PDE6B: variants seen among roughly 807,000 people sequenced by gnomAD.
PDE6B encodes the protein rod cGMP-specific 3',5'-cyclic phosphodiesterase subunit beta.
Under a neutral mutation model 109.0 loss-of-function variants are expected in PDE6B, and 106 were observed. The ratio of observed to expected loss-of-function variants is 0.97; its 90% CI spans 0.83 to 1.14. The LOEUF (loss-of-function observed/expected upper bound fraction) is 1.14. Among genes scored for constraint, PDE6B ranks in the 50% most tolerant of loss-of-function variants. The pLI, the probability that PDE6B is intolerant of heterozygous loss-of-function variation, is 0.00. For missense variants in PDE6B, 1,193 were observed against 1,155.6 expected (o/e 1.03, Z -0.47); for synonymous variants, 490 against 471.3 (o/e 1.04, Z -0.51).
chr4:662,308 C>T lies in PDE6B; in HGVS notation c.1722+67C>T, dbSNP rs1286934778. 2.1e-6 allele frequency: 2 copies of T among 969,496 alleles called. No individual in the cohort carries two copies. Among genetic ancestry groups the T allele is most frequent in the African/African-American group, 1.6e-5 (1 of 61,962 alleles). The allele number at this position is 969,496 out of a possible 1,614,324, so 60.1% of individuals were successfully genotyped here. ...TGGTACCAAGGGCAGCACTCAAGCACCCCGAGGGATGAGATGGGGGTCCTC... is the reference window on the plus strand; with the variant it reads ...TGGTACCAAGGGCAGCACTCAAGCATCCCGAGGGATGAGATGGGGGTCCTC... On this transcript the variant is annotated intron_variant, in intron 13 of 21. Coordinates refer to ENST00000496514, the MANE Select transcript of PDE6B (RefSeq NM_000283.4). The surrounding 1 kb of genome is among the most constrained non-coding windows in gnomAD (Gnocchi z 4.3).
intron 8 of PDE6B, 123 bp from the exon 9 acceptor site, chr4:656,751 C>G: frequency 1.2e-6 from 1 of 824,364 alleles, no homozygotes; most frequent in Non-Finnish European, 2.0e-6. Flanking sequence ...AGAGCAGAGA[C>G]AGGAACACGA....
chr4:659,482 T>C (rs1736766702), intron 11 of PDE6B, among the ~76,000 whole-genome samples: 2 of 151,314 alleles, frequency 1.3e-5, no homozygotes, highest in Non-Finnish European at 2.9e-5. Flanking sequence ...TGTGGGTGTC[T>C]GTGTGTGCAC....
In PDE6B at chr4:648,204, C is replaced by T. The variant is rs1735304691; in HGVS notation, c.712-5648C>T. On this transcript the variant is annotated intron_variant, in intron 3 of 21. Transcript: ENST00000496514. This position sits in a 1 kb window ranked among gnomAD's most constrained non-coding sequence, Gnocchi z 4.5. The stretch of plus-strand genomic sequence containing the variant: ...AGGAAACTCCTTGTTTCCAGCCTCT[C>T]AGTCTGCAGGCATGTGGAGACCAGC... 6.6e-6 allele frequency among the ~76,000 whole-genome samples: 1 copy of T among 152,058 alleles called. No homozygotes were observed. The highest frequency in any genetic ancestry group is 2.4e-5 in the African/African-American group (1 of 41,320).
chr4:659,669 TGTGTGTGC>T (rs1250107984), intron 11 of PDE6B, among the ~76,000 whole-genome samples: 2 of 148,226 alleles, frequency 1.3e-5, no homozygotes, highest in East Asian at 2.0e-4. Context: ...CCCACGAGTA[TGTGTGTGC>T]ATGTGTGTGC....
rs150645828 is a variant in PDE6B, at chr4:652,528, G to A, written c.712-1324G>A. 63 of 979,844 alleles carry A rather than the reference G, an allele frequency of 6.4e-5. 1 individual carries two copies. The highest frequency in any genetic ancestry group is 7.0e-5 in the African/African-American group (4 of 57,126). The allele number at this position is 979,844 out of a possible 1,614,324, so 60.7% of individuals were successfully genotyped here. On this transcript the variant is annotated intron_variant, in intron 3 of 21. Transcript: ENST00000496514. ...GCGCTGTGTGGCGGCCACCACTGCCGTTAACCACAGTACACAGGGTGCTCG... is the reference window on the plus strand; with the variant it reads ...GCGCTGTGTGGCGGCCACCACTGCCATTAACCACAGTACACAGGGTGCTCG...
In PDE6B at chr4:663,374, G is replaced by A. The variant is rs1737357049; in HGVS notation, c.1920+187G>A. 6.6e-6 allele frequency among the ~76,000 whole-genome samples: 1 copy of A among 152,190 alleles called. No homozygotes were observed. The highest frequency in any genetic ancestry group is 1.5e-5 in the Non-Finnish European group (1 of 68,024). ...AGGGCAGGTGCATCGGAGGCCCTGG[G>A]AAAACGCTTGTGGGGAAGACAACTG... On this transcript the variant is annotated intron_variant, in intron 15 of 21. Transcript: ENST00000496514. The surrounding 1 kb of genome is among the most constrained non-coding windows in gnomAD (Gnocchi z 4.0).
chr4:632,412 G>A (rs1378770143), intron 1 of PDE6B, among the ~76,000 whole-genome samples: 1 of 150,628 alleles, frequency 6.6e-6, no homozygotes, highest in Non-Finnish European at 1.5e-5. Flanking sequence ...TGAGGGTTAT[G>A]AGGGTCACAT....
At position 670,130 on chromosome 4, in the gene PDE6B, A is replaced by G. The variant is rs370166139; in HGVS notation, c.*23A>G. 5.0e-6 allele frequency: 8 copies of G among 1,607,072 alleles called. No homozygotes were observed. The highest frequency in any genetic ancestry group is 1.7e-5 in the Admixed American group (1 of 59,984). On this transcript the variant is annotated 3_prime_UTR_variant, in exon 22 of 22. Coordinates refer to ENST00000496514, the MANE Select transcript of PDE6B (RefSeq NM_000283.4). ...TGAGCACTGGTCCCATGGGGACCCT[A>G]TGGCTCCCTCAATCTTCACCCACTA...
chr4:633,964 G>A lies in PDE6B; in HGVS notation c.469-713G>A, dbSNP rs141232278. 6.6e-5 allele frequency among the ~76,000 whole-genome samples: 10 copies of A among 152,120 alleles called. No individual in the cohort carries two copies. The East Asian group carries it at 1.7e-3, about 27-fold the overall frequency. On this transcript the variant is annotated intron_variant, in intron 1 of 21. Transcript: ENST00000496514. The surrounding 1 kb of genome is among the most constrained non-coding windows in gnomAD (Gnocchi z 4.5). ...GGAACCTAAGAGCCAAGAGAGGAGG[G>A]GCTGCTCTAAATCTGGTGGGAGTGA...
In PDE6B at chr4:670,594, T is replaced by A. The variant is rs1738406861; in HGVS notation, c.*487T>A. 5.2e-6 allele frequency: 1 copy of A among 192,150 alleles called. No individual in the cohort carries two copies. Among genetic ancestry groups the A allele is most frequent in the Admixed American group, 5.3e-5 (1 of 18,742 alleles). The allele number at this position is 192,150 out of a possible 1,614,324, so 11.9% of individuals were successfully genotyped here. A position where few individuals can be genotyped will look rare whatever the true frequency, so the allele number is the denominator to read the frequency against. On this transcript the variant is annotated 3_prime_UTR_variant, in exon 22 of 22. Transcript: ENST00000496514. ...AATAAACTGTAGCCTACATTACTCA[T>A]CCATTTTTGGATAGTTACCACTGGG...
In PDE6B at chr4:662,618, A is replaced by G; in HGVS notation, c.1832A>G (p.Lys611Arg). The stretch of plus-strand genomic sequence containing the variant: ...GGCACCAACAACCTGTACCAGATGA[A>G]GTAGGCACCTCAGGGCGGGCATGTG... ...HRGTNNLYQM[K>R]SQNPLAKLHG... Residue 611 changes from lysine to arginine, a missense_variant and splice_region_variant, in exon 14 of 22, where the codon AAG becomes AGG. Coordinates refer to ENST00000496514, the MANE Select transcript of PDE6B (RefSeq NM_000283.4). This position sits in a 1 kb window ranked among gnomAD's most constrained non-coding sequence, Gnocchi z 4.3. The G allele has an allele frequency of 6.3e-7, 1 of 1,577,176 alleles. No homozygotes were observed. Among genetic ancestry groups the G allele is most frequent in the Non-Finnish European group, 8.7e-7 (1 of 1,147,118 alleles).
In PDE6B at chr4:663,640, G is replaced by A. The variant is rs868589583; in HGVS notation, c.1921-130G>A. On this transcript the variant is annotated intron_variant, in intron 15 of 21. Coordinates refer to ENST00000496514, the MANE Select transcript of PDE6B (RefSeq NM_000283.4). This position sits in a 1 kb window ranked among gnomAD's most constrained non-coding sequence, Gnocchi z 4.0. ...GCCCTGAGCAGCAGGCGGATTAGGG[G>A]TCCCGCCCACCGAGGGCCCGAGGGC... is the stretch of plus-strand genomic sequence containing the variant. The A allele has an allele frequency of 1.4e-6, 1 of 722,432 alleles. No individual in the cohort carries two copies. The highest frequency in any genetic ancestry group is 2.7e-5 in the East Asian group (1 of 37,164). The allele number at this position is 722,432 out of a possible 1,614,324, so 44.8% of individuals were successfully genotyped here.
intron 1 of PDE6B, among the ~76,000 whole-genome samples, chr4:629,914 T>G (rs796557915): frequency 5.9e-5 from 9 of 152,110 alleles, no homozygotes; most frequent in African/African-American, 1.9e-4. Context: ...GCAGAGCAAA[T>G]GCAGGGGGTT....
In PDE6B at chr4:654,898, G is replaced by T; in HGVS notation, c.992+10G>T. 6.8e-7 allele frequency: 1 copy of T among 1,467,714 alleles called. No homozygotes were observed. Among genetic ancestry groups the T allele is most frequent in the Non-Finnish European group, 9.6e-7 (1 of 1,046,474 alleles). The allele number at this position is 1,467,714 out of a possible 1,614,324, so 90.9% of individuals were successfully genotyped here. A position where few individuals can be genotyped will look rare whatever the true frequency, so the allele number is the denominator to read the frequency against. The stretch of plus-strand genomic sequence containing the variant: ...AGATCAAGGTCATTCCGTAAGTGCA[G>T]GATTTTACCAGAAGCGTCCCCGGGG... On this transcript the variant is annotated intron_variant, in intron 6 of 21. Transcript: ENST00000496514.
intron 17 of PDE6B, 113 bp downstream of exon 17, chr4:664,334 G>A: frequency 4.1e-6 from 3 of 732,570 alleles, no homozygotes; most frequent in East Asian, 2.6e-5. Context: ...GGAAGAGCCC[G>A]TCGCGGCAGC....
At position 662,283 on chromosome 4, in the gene PDE6B, T is replaced by G; in HGVS notation, c.1722+42T>G. 1 of 1,168,878 alleles carries G rather than the reference T, an allele frequency of 8.6e-7. No homozygotes were observed. The allele number at this position is 1,168,878 out of a possible 1,614,324, so 72.4% of individuals were successfully genotyped here. A position where few individuals can be genotyped will look rare whatever the true frequency, so the allele number is the denominator to read the frequency against. On this transcript the variant is annotated intron_variant, in intron 13 of 21. Transcript: ENST00000496514. The surrounding 1 kb of genome is among the most constrained non-coding windows in gnomAD (Gnocchi z 4.3). ...ATCACCAGGGTTGTGCAGGCCCTCC[T>G]GGTACCAAGGGCAGCACTCAAGCAC...
intron 3 of PDE6B, among the ~76,000 whole-genome samples, chr4:641,409 C>T (rs921257057): frequency 3.9e-5 from 6 of 152,324 alleles, no homozygotes; most frequent in African/African-American, 1.2e-4. Flanking sequence ...GAGGGTGAGG[C>T]GGTCAGCGCA....
chr4:634,641 G>C, intron 1 of PDE6B, 36 bp from the exon 2 acceptor site: 1 of 1,590,410 alleles, frequency 6.3e-7, no homozygotes, highest in Non-Finnish European at 8.6e-7. Flanking sequence ...CCCACGGTGC[G>C]ACAGCCTCTT....
chr4:631,496 G>T (rs896813600), intron 1 of PDE6B, among the ~76,000 whole-genome samples: 1 of 151,314 alleles, frequency 6.6e-6, no homozygotes, highest in Non-Finnish European at 1.5e-5. Context: ...GCTGTCTGAA[G>T]GTCATGTTAT....
Sources: allele counts gnomAD v4.1 joint callset (sites outside exome capture counted in the v4.1 genomes callset), GRCh38; gene constraint gnomAD v4.1.1; non-coding constraint Gnocchi (gnomAD v3.1); transcripts MANE v1.5; gene names NCBI Gene and HGNC (gene_info 2026-07-23, HGNC 2026-07-21).